BARD1: variants seen among roughly 807,000 people sequenced by gnomAD.
BARD1 encodes the protein BRCA1-associated RING domain protein 1.
BARD1 carries 73 observed loss-of-function variants against 77.0 expected under a neutral mutation model. That is an observed-to-expected ratio of 0.95 (90% CI 0.79 to 1.15). The LOEUF is 1.15. Ranked by LOEUF, BARD1 falls within the 50% of genes most tolerant of loss-of-function variation. BARD1 has a pLI of 0.00. For missense variants in BARD1, 993 were observed against 938.8 expected (o/e 1.06, Z -0.75); for synonymous variants, 384 against 338.0 (o/e 1.14, Z -1.49).
chr2:214,800,920 G>GT (rs1205649186), intron 1 of BARD1, among the ~76,000 whole-genome samples: 2 of 151,924 alleles, frequency 1.3e-5, no homozygotes, highest in African/African-American at 4.8e-5. Flanking sequence ...GTTAACAGTA[G>GT]TAAGAAAATT....
Position 214,778,822 on chromosome 2 carries a change from T to C in BARD1, c.1314+1738A>G, listed in dbSNP as rs184892512. Among the ~76,000 whole-genome samples the C allele has an allele frequency of 8.0e-3, 1,215 of 152,278 alleles. 15 individuals carry two copies. The highest frequency in any genetic ancestry group is 0.027 in the African/African-American group (1,143 of 41,566). On this transcript the variant is annotated intron_variant, in intron 4 of 10. Coordinates refer to ENST00000260947, the MANE Select transcript of BARD1 (RefSeq NM_000465.4). ...ACTCTGGCCTAGACCCTAGGGATCCTCATTAATAAAGATAAATTATTCTTA... is the reference window on the plus strand; with the variant it reads ...ACTCTGGCCTAGACCCTAGGGATCCCCATTAATAAAGATAAATTATTCTTA...
At chr2:214,747,861 A>ATAC (rs1325041025) in intron 7 of BARD1, among the ~76,000 whole-genome samples, 1 of 151,052 alleles carries the variant, frequency 6.6e-6, no homozygotes, top group Non-Finnish European at 1.5e-5. Context: ...TATAATAATA[A>ATAC]TAAAATAAAA....
intron 9 of BARD1, among the ~76,000 whole-genome samples, chr2:214,741,452 T>C (rs1457530904): frequency 6.6e-6 from 1 of 152,192 alleles, no homozygotes; most frequent in East Asian, 1.9e-4. Flanking sequence ...AGTTTGCATC[T>C]TTAGGATACA....
At chr2:214,758,906 A>C (rs994796333) in intron 6 of BARD1, among the ~76,000 whole-genome samples, 2 of 152,246 alleles carry the variant, frequency 1.3e-5, no homozygotes, top group Admixed American at 6.5e-5. Context: ...GCATGTACAG[A>C]CCATCCAAAC....
At chr2:214,751,700 T>G (rs2106036871) in intron 7 of BARD1, among the ~76,000 whole-genome samples, 1 of 152,126 alleles carries the variant, frequency 6.6e-6, no homozygotes, top group East Asian at 1.9e-4. Context: ...ATATCTCCAT[T>G]TCATGTTTTA....
At chr2:214,730,626 T>C (rs1574707674) in intron 9 of BARD1, 118 bp from the exon 10 acceptor site, 1 of 784,150 alleles carries the variant, frequency 1.3e-6, no homozygotes, top group East Asian at 2.6e-5. Context: ...TTTTAAGTAT[T>C]ATTCTAAAAT....
chr2:214,757,519 T>C (rs1665884756), intron 6 of BARD1, among the ~76,000 whole-genome samples: 1 of 152,122 alleles, frequency 6.6e-6, no homozygotes, highest in African/African-American at 2.4e-5. Context: ...TATGTGAAAA[T>C]GGATATATGT....
At chr2:214,731,040 T>A (rs780157752) in intron 9 of BARD1, 4 of 370,362 alleles carry the variant, frequency 1.1e-5, no homozygotes, top group Non-Finnish European at 2.2e-5. Flanking sequence ...CAACAGCGCT[T>A]CCTAAAATAA....
intron 2 of BARD1, among the ~76,000 whole-genome samples, chr2:214,796,189 G>C (rs1158912990): frequency 6.6e-6 from 1 of 152,116 alleles, no homozygotes; most frequent in African/African-American, 2.4e-5. Context: ...GATTTCTCCT[G>C]AACAAGAAAT....
At chr2:214,744,982 A>C (rs1693029411) in intron 9 of BARD1, 85 bp downstream of exon 9, 10 of 1,187,862 alleles carry the variant, frequency 8.4e-6, no homozygotes, top group Non-Finnish European at 1.2e-5. Context: ...AATTAACATC[A>C]AGTTCCTTAA....
chr2:214,793,857 T>C (rs1695638282), intron 2 of BARD1, among the ~76,000 whole-genome samples: 1 of 152,128 alleles, frequency 6.6e-6, no homozygotes, highest in African/African-American at 2.4e-5. Flanking sequence ...GAGTAACAGA[T>C]AAATTCAAAG....
intron 6 of BARD1, among the ~76,000 whole-genome samples, chr2:214,766,531 C>G (rs1331173572): frequency 1.3e-5 from 2 of 152,102 alleles, no homozygotes; most frequent in East Asian, 1.9e-4. Flanking sequence ...AAATTGACAA[C>G]TGTTTCTGAA....
intron 4 of BARD1, among the ~76,000 whole-genome samples, chr2:214,773,851 T>C (rs1694623414): frequency 6.6e-6 from 1 of 152,214 alleles, no homozygotes; most frequent in South Asian, 2.1e-4. Flanking sequence ...ATCTGTAGCA[T>C]GTGACGCTGT....
chr2:214,759,559 A>T (rs998117596), intron 6 of BARD1, among the ~76,000 whole-genome samples: 5 of 152,208 alleles, frequency 3.3e-5, no homozygotes, highest in African/African-American at 1.2e-4. Context: ...AAAAAAAATT[A>T]AGGGTTAAAT....
intron 6 of BARD1, among the ~76,000 whole-genome samples, chr2:214,754,788 C>T (rs181642269): frequency 2.6e-5 from 4 of 152,228 alleles, no homozygotes; most frequent in East Asian, 1.9e-4. Flanking sequence ...CCTCCTGTAA[C>T]GCTAATGAAC....
intron 6 of BARD1, among the ~76,000 whole-genome samples, chr2:214,766,133 T>G (rs1694184236): frequency 6.6e-6 from 1 of 152,086 alleles, no homozygotes; most frequent in Non-Finnish European, 1.5e-5. Context: ...ATGAACCAAG[T>G]TACAGATTAA....
At chr2:214,786,406 T>C (rs1695280034) in intron 3 of BARD1, among the ~76,000 whole-genome samples, 1 of 152,022 alleles carries the variant, frequency 6.6e-6, no homozygotes, top group Non-Finnish European at 1.5e-5. Flanking sequence ...CTTAAAATTA[T>C]TAATACACCA....
chr2:214,744,265 A>C (rs1376362235), intron 9 of BARD1, among the ~76,000 whole-genome samples: 1 of 152,174 alleles, frequency 6.6e-6, no homozygotes, highest in Non-Finnish European at 1.5e-5. Flanking sequence ...GTGGAGGTTG[A>C]GATAGCTGGT....
At chr2:214,742,666 G>A (rs988395164) in intron 9 of BARD1, among the ~76,000 whole-genome samples, 15 of 152,012 alleles carry the variant, frequency 9.9e-5, no homozygotes, top group African/African-American at 3.4e-4. Context: ...AAAACGACAC[G>A]GCCAAGATAT....
Sources: allele counts gnomAD v4.1 joint callset (sites outside exome capture counted in the v4.1 genomes callset), GRCh38; gene constraint gnomAD v4.1.1; transcripts MANE v1.5; gene names NCBI Gene and HGNC (gene_info 2026-07-23, HGNC 2026-07-21).